The following LRMDA variants were observed in gnomAD, a reference collection of about 807,000 sequenced individuals.
LRMDA encodes the protein leucine rich melanocyte differentiation associated, also known as leucine-rich melanocyte differentiation-associated protein.
Under a neutral mutation model 29.8 loss-of-function variants are expected in LRMDA, and 18 were observed. That is an observed-to-expected ratio of 0.60 (90% confidence interval 0.42 to 0.90). LRMDA has a LOEUF of 0.90. Ranked by LOEUF, LRMDA falls within the 40% of genes least tolerant of loss-of-function variation. The pLI is 0.00. For synonymous variants in LRMDA, 125 were observed against 109.4 expected, an observed-to-expected ratio of 1.14 and a Z score of -0.89; for missense variants, 273 against 273.9, an observed-to-expected ratio of 1.00 and a Z score of 0.02.
chr10:75,534,495 A>T (rs1839920797), intron 2 of LRMDA, among the ~76,000 whole-genome samples: 2 of 151,960 alleles, frequency 1.3e-5, no homozygotes, highest in Admixed American at 1.3e-4. Flanking sequence ...GCAGGGGGGG[A>T]TTCTAGGTTT....
At chr10:76,283,906 T>A (rs564340499) in intron 5 of LRMDA, among the ~76,000 whole-genome samples, 54 of 152,292 alleles carry the variant, frequency 3.5e-4, no homozygotes, top group African/African-American at 1.3e-3. Flanking sequence ...GTTCAAGTGA[T>A]CTGCCAGCCT....
chr10:75,705,241 T>C (rs1842352589), intron 2 of LRMDA, among the ~76,000 whole-genome samples: 1 of 152,214 alleles, frequency 6.6e-6, no homozygotes, highest in Non-Finnish European at 1.5e-5. Flanking sequence ...GGTGTTGAGC[T>C]GAGATGTTTA....
At chr10:76,145,332 G>A (rs1311392650) in intron 5 of LRMDA, among the ~76,000 whole-genome samples, 2 of 151,990 alleles carry the variant, frequency 1.3e-5, no homozygotes, top group East Asian at 3.9e-4. Context: ...GACTTTTTTT[G>A]GTTGGTAAGC....
At position 76,091,495 on chromosome 10, in the gene LRMDA, A is replaced by G. The variant is rs1462055317; in HGVS notation, c.516+32712A>G. ...TGAAGGATCAGAAAGTAAATGGGGT[A>G]TCCTGGAGAGACTGCAGCCTGGGCA... On this transcript the variant is annotated intron_variant, in intron 5 of 6. Coordinates refer to ENST00000611255, the MANE Select transcript of LRMDA (RefSeq NM_001305581.2). 3.3e-5 allele frequency among the ~76,000 whole-genome samples: 5 copies of G among 152,284 alleles called. No individual in the cohort carries two copies. In the East Asian group the frequency reaches 9.6e-4, roughly 29 times the overall value.
intron 6 of LRMDA, among the ~76,000 whole-genome samples, chr10:76,369,239 G>GTTTTTTT (rs1841426234): frequency 6.6e-6 from 1 of 152,128 alleles, no homozygotes. Flanking sequence ...AAGAAGTTCT[G>GTTTTTTT]TTTTGATGTG....
intron 2 of LRMDA, among the ~76,000 whole-genome samples, chr10:75,660,622 C>T (rs1220311677): frequency 1.3e-5 from 2 of 151,896 alleles, no homozygotes; most frequent in Non-Finnish European, 2.9e-5. Flanking sequence ...TACAAGCAAA[C>T]TCTAGTTATC....
At chr10:76,554,613 AAAGAAAC>A (rs1156333423) in intron 6 of LRMDA, among the ~76,000 whole-genome samples, 32 of 152,196 alleles carry the variant, frequency 2.1e-4, no homozygotes, top group Non-Finnish European at 3.5e-4. Flanking sequence ...TTCCAGGCCC[AAAGAAAC>A]AGGGTAGGCC....
chr10:75,498,033 T>G (rs4617527), intron 2 of LRMDA, among the ~76,000 whole-genome samples: 125,693 of 151,658 alleles, frequency 0.83, 52,353 homozygotes, highest in Admixed American at 0.87. Flanking sequence ...AACAAAGTAT[T>G]GAAGTTCTGG....
intron 5 of LRMDA, among the ~76,000 whole-genome samples, chr10:76,263,151 G>A (rs888158033): frequency 6.6e-6 from 1 of 152,068 alleles, no homozygotes; most frequent in Non-Finnish European, 1.5e-5. Context: ...TACTTTGGAA[G>A]GTACCTCTTG....
intron 6 of LRMDA, among the ~76,000 whole-genome samples, chr10:76,445,718 A>T (rs149618393): frequency 1.3e-5 from 2 of 152,308 alleles, no homozygotes; most frequent in African/African-American, 2.4e-5. Flanking sequence ...CCTGCCAAGG[A>T]TCAAATTTAA....
At chr10:75,485,259 G>A (rs1451379079) in intron 2 of LRMDA, among the ~76,000 whole-genome samples, 1 of 152,048 alleles carries the variant, frequency 6.6e-6, no homozygotes. Context: ...TCTTTTTGAT[G>A]TCTTTTAATT....
chr10:75,826,569 G>A (rs980882950), intron 2 of LRMDA, among the ~76,000 whole-genome samples: 3 of 152,116 alleles, frequency 2.0e-5, no homozygotes, highest in Non-Finnish European at 4.4e-5. Context: ...TAACTACGAA[G>A]TTTTATATTT....
rs187251747 is a variant in LRMDA at position 76,045,574 on chromosome 10, C to T, written c.259-1590C>T. Among the ~76,000 whole-genome samples the T allele has an allele frequency of 1.2e-3, 187 of 152,134 alleles. 1 individual carries two copies. In the South Asian group the frequency reaches 0.014, roughly 11 times the overall value. On this transcript the variant is annotated intron_variant, in intron 3 of 6. Transcript: ENST00000611255. ...ACCTAGGGTATAGCATTTGGCCTTG[C>T]ATATGATGGTGGCAGAGCATGTGTA... is the stretch of plus-strand genomic sequence containing the variant.
At chr10:75,467,392 C>T (rs1035585328) in intron 2 of LRMDA, among the ~76,000 whole-genome samples, 2 of 152,224 alleles carry the variant, frequency 1.3e-5, no homozygotes, top group Non-Finnish European at 2.9e-5. Flanking sequence ...AGAGAGCACA[C>T]ACTGAGTGTC....
At chr10:75,460,511 T>A (rs1417488147) in intron 2 of LRMDA, among the ~76,000 whole-genome samples, 1 of 152,234 alleles carries the variant, frequency 6.6e-6, no homozygotes, top group East Asian at 1.9e-4. Context: ...CTTGGTGTGA[T>A]GTAATAGGAA....
intron 5 of LRMDA, among the ~76,000 whole-genome samples, chr10:76,094,110 G>A (rs955064983): frequency 6.6e-6 from 1 of 152,136 alleles, no homozygotes; most frequent in Non-Finnish European, 1.5e-5. Context: ...CCAGACTTTG[G>A]TCTCCCAGGA....
intron 6 of LRMDA, among the ~76,000 whole-genome samples, chr10:76,550,189 A>C (rs1345820420): frequency 2.0e-5 from 3 of 152,246 alleles, no homozygotes; most frequent in Admixed American, 6.5e-5. Flanking sequence ...AAAATTGATT[A>C]AGGAATTAAA....
At chr10:75,855,389 TCC>T (rs1232458630) in intron 2 of LRMDA, among the ~76,000 whole-genome samples, 1 of 152,246 alleles carries the variant, frequency 6.6e-6, no homozygotes, top group Admixed American at 6.5e-5. Context: ...TCTGTTCATA[TCC>T]TTCGCCCACT....
intron 2 of LRMDA, among the ~76,000 whole-genome samples, chr10:75,901,498 C>T (rs1460603567): frequency 2.0e-5 from 3 of 152,180 alleles, no homozygotes; most frequent in African/African-American, 7.2e-5. Context: ...CTTTTATCAT[C>T]ATGACTGCTT....
Sources: gnomAD v4.1 joint callset for allele counts (sites outside exome capture counted in the v4.1 genomes callset) on GRCh38, gnomAD v4.1.1 for gene constraint, MANE v1.5 for transcripts, NCBI Gene and HGNC (gene_info 2026-07-23, HGNC 2026-07-21) for gene names.